Variants in SPAG16 observed in about 807,000 individuals in gnomAD.
The protein encoded by SPAG16 is sperm associated antigen 16.
In SPAG16, 86 loss-of-function variants were observed where a neutral mutation model predicts 80.4. That is an observed-to-expected ratio of 1.07 (90% confidence interval 0.90 to 1.28). The LOEUF is 1.28. SPAG16 is among the 50% of genes most tolerant of loss of function. The pLI is 0.00. For synonymous variants in SPAG16, 294 were observed against 265.9 expected, an observed-to-expected ratio of 1.11 and a Z score of -1.03; for missense variants, 870 against 765.3, an observed-to-expected ratio of 1.14 and a Z score of -1.61.
chr2:213,833,570 TA>T (rs1288186056), intron 10 of SPAG16, among the ~76,000 whole-genome samples: 1,067 of 22,862 alleles, frequency 0.047, 366 homozygotes, highest in East Asian at 0.12. Context: ...ATATATAATA[TA>T]TATATAATAT....
intron 15 of SPAG16, among the ~76,000 whole-genome samples, chr2:214,391,785 A>T (rs1398558493): frequency 6.6e-6 from 1 of 152,174 alleles, no homozygotes; most frequent in Non-Finnish European, 1.5e-5. Context: ...TTAAGAATGA[A>T]GTTTGGATCT....
rs574119365 is a variant in SPAG16, at chr2:214,283,734, T to C, written c.1721-126406T>C. ...TGCTTGCTGCTCTAATAGTTTTCTG[T>C]TTAATGAGCAAATTGCTTTAAGTAC... On this transcript the variant is annotated intron_variant, in intron 15 of 15. Coordinates refer to ENST00000331683, the MANE Select transcript of SPAG16 (RefSeq NM_024532.5). Among the ~76,000 whole-genome samples the C allele has an allele frequency of 3.9e-5, 6 of 152,332 alleles. No homozygotes were observed. In the South Asian group the frequency reaches 1.2e-3, roughly 32 times the overall value.
chr2:214,112,167 T>A (rs962427878), intron 14 of SPAG16, among the ~76,000 whole-genome samples: 2 of 152,194 alleles, frequency 1.3e-5, no homozygotes, highest in African/African-American at 4.8e-5. Context: ...TGCACTGTGG[T>A]CTGAGAGACA....
chr2:213,833,884 C>T (rs2073938405), intron 10 of SPAG16, among the ~76,000 whole-genome samples: 1 of 151,558 alleles, frequency 6.6e-6, no homozygotes, highest in African/African-American at 2.4e-5. Flanking sequence ...AGGGTCATGG[C>T]AGACACTCAT....
At chr2:214,223,442 A>C (rs2058630297) in intron 15 of SPAG16, among the ~76,000 whole-genome samples, 1 of 152,220 alleles carries the variant, frequency 6.6e-6, no homozygotes, top group Admixed American at 6.5e-5. Context: ...ATTGGTAAAA[A>C]TAAACATAGA....
At chr2:214,378,476 A>G (rs530203673) in intron 15 of SPAG16, among the ~76,000 whole-genome samples, 13 of 152,270 alleles carry the variant, frequency 8.5e-5, no homozygotes, top group Non-Finnish European at 1.3e-4. Flanking sequence ...CACTGATGTT[A>G]TCCTGAAACT....
At chr2:213,653,247 A>C (rs1047337042) in intron 10 of SPAG16, among the ~76,000 whole-genome samples, 43 of 152,220 alleles carry the variant, frequency 2.8e-4, no homozygotes, top group African/African-American at 9.4e-4. Flanking sequence ...ATATTTTGAA[A>C]TACTGATGTA....
chr2:214,255,990 C>G (rs1382566268), intron 15 of SPAG16, among the ~76,000 whole-genome samples: 1 of 151,802 alleles, frequency 6.6e-6, no homozygotes, highest in Non-Finnish European at 1.5e-5. Context: ...AAATGTAAAG[C>G]CTGTCATAGG....
At chr2:214,152,600 A>C (rs1026393391) in intron 15 of SPAG16, among the ~76,000 whole-genome samples, 2 of 152,180 alleles carry the variant, frequency 1.3e-5, no homozygotes, top group Non-Finnish European at 2.9e-5. Flanking sequence ...AGAAATAAAG[A>C]CACAAGACAA....
rs1387349879 is a variant in SPAG16, at chr2:213,917,314, A to T, written c.1215-12646A>T. The stretch of plus-strand genomic sequence containing the variant: ...AATATTTTCTAATTCTGTGAAGAAT[A>T]TCATTGGTACTTTGATAGAAATAGC... On this transcript the variant is annotated intron_variant, in intron 11 of 15. Transcript: ENST00000331683. Among the ~76,000 whole-genome samples the T allele has an allele frequency of 2.6e-5, 4 of 152,154 alleles. No homozygotes were observed. The South Asian group carries it at 8.3e-4, about 31-fold the overall frequency.
At chr2:213,353,022 C>G (rs775337758) in intron 7 of SPAG16, among the ~76,000 whole-genome samples, 2 of 152,160 alleles carry the variant, frequency 1.3e-5, no homozygotes, top group African/African-American at 2.4e-5. Flanking sequence ...TATTCTTCCC[C>G]AGATGGTTCC....
chr2:213,888,102 C>A (rs1478002829), intron 11 of SPAG16, among the ~76,000 whole-genome samples: 3 of 151,882 alleles, frequency 2.0e-5, no homozygotes, highest in African/African-American at 2.4e-5. Context: ...CTTGAAGGAG[C>A]AAGAACTGTG....
chr2:213,492,350 A>G (rs1350613156), intron 10 of SPAG16, among the ~76,000 whole-genome samples: 1 of 152,140 alleles, frequency 6.6e-6, no homozygotes. Context: ...TCAGATTGAG[A>G]CCATCCTGGC....
At chr2:213,777,237 A>ATT (rs59548915) in intron 10 of SPAG16, among the ~76,000 whole-genome samples, 19,406 of 82,950 alleles carry the variant, frequency 0.23, 4,543 homozygotes, top group Admixed American at 0.25. Flanking sequence ...GTTTGTAGGA[A>ATT]TTTTTTTTTT....
At chr2:214,205,312 A>T (rs6745285) in intron 15 of SPAG16, among the ~76,000 whole-genome samples, 13,202 of 152,190 alleles carry the variant, frequency 0.087, 1,661 homozygotes, top group African/African-American at 0.28. Context: ...AATAAAAAAC[A>T]ATCACAACTC....
At chr2:214,402,387 T>C (rs1357463765) in intron 15 of SPAG16, among the ~76,000 whole-genome samples, 1 of 152,014 alleles carries the variant, frequency 6.6e-6, no homozygotes, top group African/African-American at 2.4e-5. Context: ...CTCTCTACCT[T>C]AGAAGATTTT....
intron 10 of SPAG16, among the ~76,000 whole-genome samples, chr2:213,693,990 C>T (rs2065052605): frequency 1.3e-5 from 2 of 150,886 alleles, no homozygotes; most frequent in Admixed American, 1.3e-4. Context: ...ATCATGTCAA[C>T]TCTCCTAATA....
chr2:213,683,551 CAA>C (rs1031708887), intron 10 of SPAG16, among the ~76,000 whole-genome samples: 2 of 134,906 alleles, frequency 1.5e-5, no homozygotes, highest in Admixed American at 7.4e-5. Flanking sequence ...ACTCCATCTC[CAA>C]AAAAAAAAAA....
rs13002044 is a variant in SPAG16 at position 213,697,492 on chromosome 2, G to T, written c.1071-164993G>T. 1.7e-3 allele frequency among the ~76,000 whole-genome samples: 265 copies of T among 152,116 alleles called. 1 individual carries two copies. The highest frequency in any genetic ancestry group is 6.2e-3 in the African/African-American group (257 of 41,518). ...GAATGTTACCTTATATGACAAAAGA[G>T]ACTTTGCAGATGTGAAAAAATTGAA... On this transcript the variant is annotated intron_variant, in intron 10 of 15. Coordinates refer to ENST00000331683, the MANE Select transcript of SPAG16 (RefSeq NM_024532.5).
Sources: allele counts gnomAD v4.1 joint callset (sites outside exome capture counted in the v4.1 genomes callset), GRCh38; gene constraint gnomAD v4.1.1; transcripts MANE v1.5; gene names NCBI Gene and HGNC (gene_info 2026-07-23, HGNC 2026-07-21).